Variants in PARD3 observed in about 807,000 individuals in gnomAD.
PARD3 encodes partitioning defective 3 homolog.
Under a neutral mutation model 155.4 loss-of-function variants are expected in PARD3, and 75 were observed. The ratio of observed to expected loss-of-function variants is 0.48; its 90% CI spans 0.40 to 0.58. PARD3 has a LOEUF of 0.58. Among genes scored for constraint, PARD3 ranks in the 20% least tolerant of loss-of-function variants. The pLI is 0.00. For missense variants in PARD3, 1,642 were observed against 1,721.7 expected, an observed-to-expected ratio of 0.95 and a Z score of 0.82; for synonymous variants, 576 against 610.5, an observed-to-expected ratio of 0.94 and a Z score of 0.83.
At chr10:34,280,216 C>T (rs764698836) in intron 21 of PARD3, among the ~76,000 whole-genome samples, 9 of 152,018 alleles carry the variant, frequency 5.9e-5, no homozygotes, top group Non-Finnish European at 1.2e-4. Flanking sequence ...CAGACCTGAC[C>T]GTGATCCAGA....
intron 22 of PARD3, among the ~76,000 whole-genome samples, chr10:34,190,628 A>G (rs773103331): frequency 1.3e-5 from 2 of 152,132 alleles, no homozygotes; most frequent in Non-Finnish European, 2.9e-5. Context: ...TTCTCACCCA[A>G]CACAATTTCT....
intron 1 of PARD3, among the ~76,000 whole-genome samples, chr10:34,767,743 C>T (rs904374103): frequency 1.3e-5 from 2 of 151,786 alleles, no homozygotes; most frequent in South Asian, 2.1e-4. Context: ...GGATTACAGG[C>T]ACGCGCCACC....
chr10:34,524,255 A>G (rs1010230954), intron 2 of PARD3, among the ~76,000 whole-genome samples: 1 of 152,246 alleles, frequency 6.6e-6, no homozygotes, highest in Non-Finnish European at 1.5e-5. Flanking sequence ...GACCACCATC[A>G]TCATAAGCTT....
intron 2 of PARD3, among the ~76,000 whole-genome samples, chr10:34,653,039 A>G (rs2133072434): frequency 6.6e-6 from 1 of 152,274 alleles, no homozygotes; most frequent in South Asian, 2.1e-4. Context: ...CAACAACAAC[A>G]AAAAAACACA....
chr10:34,298,264 G>A (rs910629790), intron 20 of PARD3, among the ~76,000 whole-genome samples: 2 of 152,224 alleles, frequency 1.3e-5, no homozygotes, highest in African/African-American at 4.8e-5. Context: ...CTTAGCTAGA[G>A]TTGTAACTCT....
At chr10:34,807,769 G>GA (rs959475307) in intron 1 of PARD3, among the ~76,000 whole-genome samples, 52 of 151,960 alleles carry the variant, frequency 3.4e-4, no homozygotes, top group Non-Finnish European at 5.6e-4. Context: ...CTGTTTAGGT[G>GA]AAAAAAATAA....
chr10:34,336,524 T>C (rs1488008660), intron 17 of PARD3, among the ~76,000 whole-genome samples: 1 of 152,166 alleles, frequency 6.6e-6, no homozygotes, highest in Non-Finnish European at 1.5e-5. Context: ...TTTATGCGTA[T>C]GATAAATTAA....
intron 2 of PARD3, among the ~76,000 whole-genome samples, chr10:34,588,120 G>A (rs947730134): frequency 1.3e-5 from 2 of 152,182 alleles, no homozygotes; most frequent in Non-Finnish European, 2.9e-5. Context: ...TGCTAGCCCT[G>A]AGAAGTAAAT....
intron 5 of PARD3, among the ~76,000 whole-genome samples, chr10:34,420,845 C>A (rs750450826): frequency 2.6e-5 from 4 of 152,120 alleles, no homozygotes; most frequent in Non-Finnish European, 5.9e-5. Flanking sequence ...TTAACATGTT[C>A]AGAACAAAAT....
chr10:34,352,690 C>T (rs867973889), intron 14 of PARD3, among the ~76,000 whole-genome samples: 1 of 152,220 alleles, frequency 6.6e-6, no homozygotes. Context: ...GATCTCAGCT[C>T]GCTACAATCT....
rs542789524 is a variant in PARD3, at chr10:34,633,340, AC to A, written c.222+62977del. Among the ~76,000 whole-genome samples the A allele has an allele frequency of 5.0e-3, 749 of 151,214 alleles. 1 individual carries two copies. Among genetic ancestry groups the A allele is most frequent in the Non-Finnish European group, 8.6e-3 (582 of 67,794 alleles). On this transcript the variant is annotated intron_variant, in intron 2 of 24. Coordinates refer to ENST00000374788, the MANE Select transcript of PARD3 (RefSeq NM_001184785.2). ...GTGCCCTTTGGTTACGATCTCCCCA[AC>A]CCCCCTCCCAACCGCTAACCTCCCA...
chr10:34,374,269 G>C (rs1053265679), intron 11 of PARD3, among the ~76,000 whole-genome samples: 30 of 152,144 alleles, frequency 2.0e-4, no homozygotes, highest in African/African-American at 7.2e-4. Flanking sequence ...TGTATGGAAA[G>C]TGAAGGAGAT....
At chr10:34,737,508 T>C (rs139815362) in intron 1 of PARD3, among the ~76,000 whole-genome samples, 148 of 152,348 alleles carry the variant, frequency 9.7e-4, no homozygotes, top group African/African-American at 3.3e-3. Context: ...AGCATTCTAT[T>C]TGGGGGAGGC....
chr10:34,300,342 G>C (rs1175587335), intron 20 of PARD3, among the ~76,000 whole-genome samples: 1 of 152,112 alleles, frequency 6.6e-6, no homozygotes, highest in Non-Finnish European at 1.5e-5. Context: ...CACAATATTG[G>C]AAAAGAAAAG....
chr10:34,540,797 T>C (rs1369721256), intron 2 of PARD3, among the ~76,000 whole-genome samples: 4 of 151,784 alleles, frequency 2.6e-5, no homozygotes, highest in Non-Finnish European at 5.9e-5. Flanking sequence ...GGACCGGGGG[T>C]GTAATCTTTT....
At chr10:34,450,292 C>T in intron 5 of PARD3, 25 bp downstream of exon 5, 9 of 1,604,472 alleles carry the variant, frequency 5.6e-6, no homozygotes, top group Non-Finnish European at 7.7e-6. Flanking sequence ...AGCAATGACG[C>T]ACATATAAGG....
intron 22 of PARD3, among the ~76,000 whole-genome samples, chr10:34,163,526 G>A (rs1949382824): frequency 6.6e-6 from 1 of 152,198 alleles, no homozygotes; most frequent in Admixed American, 6.5e-5. Flanking sequence ...GATCACACTA[G>A]AAAGAAACAG....
At position 34,811,770 on chromosome 10, in the gene PARD3, C is replaced by T. The variant is rs1844209328; in HGVS notation, c.120+3106G>A. 3.3e-5 allele frequency among the ~76,000 whole-genome samples: 5 copies of T among 152,302 alleles called. No homozygotes were observed. In the South Asian group the frequency reaches 1.0e-3, roughly 32 times the overall value. ...CACAGCAGCCCTTCAACCAACCCCA[C>T]ACAGCGCTGCAGCTCAGCACCATGT... On this transcript the variant is annotated intron_variant, in intron 1 of 24. Transcript: ENST00000374788.
chr10:34,621,885 A>G (rs1403309158), intron 2 of PARD3, among the ~76,000 whole-genome samples: 1 of 150,132 alleles, frequency 6.7e-6, no homozygotes, highest in Non-Finnish European at 1.5e-5. Flanking sequence ...GTATTTTGAT[A>G]AAGTAAATTC....
Sources: gnomAD v4.1 joint callset for allele counts (sites outside exome capture counted in the v4.1 genomes callset) on GRCh38, gnomAD v4.1.1 for gene constraint, MANE v1.5 for transcripts, NCBI Gene and HGNC (gene_info 2026-07-23, HGNC 2026-07-21) for gene names.